B3GALT1: variants seen among roughly 807,000 people sequenced by gnomAD.
B3GALT1 encodes the protein beta-1,3-galactosyltransferase 1, also known as UDP-Gal:betaGlcNAc beta 1,3-galactosyltransferase, polypeptide 1.
B3GALT1 carries 10 observed loss-of-function variants against 23.2 expected under a neutral mutation model. That is an observed-to-expected ratio of 0.43 (90% CI 0.27 to 0.73). B3GALT1 has a LOEUF of 0.73. Among genes scored for constraint, B3GALT1 ranks in the 30% least tolerant of loss-of-function variants. B3GALT1 has a pLI of 0.21. For missense variants in B3GALT1, 299 were observed against 405.4 expected (o/e 0.74, Z 2.25); for synonymous variants, 156 against 141.5 (o/e 1.10, Z -0.73).
At chr2:167,308,624 G>A (rs1380675362) in intron 1 of B3GALT1, among the ~76,000 whole-genome samples, 1 of 151,926 alleles carries the variant, frequency 6.6e-6, no homozygotes, top group Non-Finnish European at 1.5e-5. Context: ...TTTTTTTGAA[G>A]GGTATAGGTG....
chr2:167,538,479 A>G (rs73026019), intron 2 of B3GALT1, among the ~76,000 whole-genome samples: 23,814 of 152,102 alleles, frequency 0.16, 3,114 homozygotes, highest in African/African-American at 0.35. Context: ...TGGTGAGGAC[A>G]CATTAAGGGT....
At chr2:167,597,117 GTT>G (rs1309406987) in intron 2 of B3GALT1, among the ~76,000 whole-genome samples, 11,228 of 131,358 alleles carry the variant, frequency 0.085, 950 homozygotes, top group African/African-American at 0.22. Context: ...TTTTGTTTTT[GTT>G]TTTTTTTTTT....
At chr2:167,668,762 C>G (rs902085092) in intron 3 of B3GALT1, among the ~76,000 whole-genome samples, 8 of 152,228 alleles carry the variant, frequency 5.3e-5, no homozygotes, top group African/African-American at 1.9e-4. Flanking sequence ...AACTCCCTGA[C>G]CCCTTGCGCT....
At chr2:167,788,140 G>C (rs1016037113) in intron 3 of B3GALT1, among the ~76,000 whole-genome samples, 3 of 151,946 alleles carry the variant, frequency 2.0e-5, no homozygotes, top group Non-Finnish European at 2.9e-5. Flanking sequence ...CCCCTGACCA[G>C]GTCTGAGCTG....
intron 3 of B3GALT1, among the ~76,000 whole-genome samples, chr2:167,759,121 T>C (rs1246912250): frequency 6.6e-6 from 1 of 151,926 alleles, no homozygotes; most frequent in Non-Finnish European, 1.5e-5. Context: ...GTGCAAGACG[T>C]AGAGGAGAGA....
chr2:167,466,854 A>ACGACACT (rs1699352488), intron 1 of B3GALT1, among the ~76,000 whole-genome samples: 1 of 143,234 alleles, frequency 7.0e-6, no homozygotes, highest in African/African-American at 2.5e-5. Context: ...CTGGGACTAC[A>ACGACACT]GGCGCCCGCC....
At chr2:167,538,936 C>T (rs1242855985) in intron 2 of B3GALT1, among the ~76,000 whole-genome samples, 1 of 152,088 alleles carries the variant, frequency 6.6e-6, no homozygotes, top group Non-Finnish European at 1.5e-5. Context: ...CCTAATTGTA[C>T]CTCACATTCT....
intron 1 of B3GALT1, among the ~76,000 whole-genome samples, chr2:167,356,341 G>A (rs1473832641): frequency 6.6e-6 from 1 of 152,188 alleles, no homozygotes; most frequent in Non-Finnish European, 1.5e-5. Flanking sequence ...AATGATGGAT[G>A]GATGAAGATG....
intron 3 of B3GALT1, among the ~76,000 whole-genome samples, chr2:167,654,472 C>T (rs1299989381): frequency 6.6e-6 from 1 of 152,008 alleles, no homozygotes; most frequent in Non-Finnish European, 1.5e-5. Context: ...TCTCCTTTGC[C>T]AAACTCAACT....
intron 2 of B3GALT1, among the ~76,000 whole-genome samples, chr2:167,498,135 C>T (rs1002218513): frequency 6.6e-6 from 1 of 152,178 alleles, no homozygotes; most frequent in Admixed American, 6.5e-5. Context: ...GGTCTACACA[C>T]GCTTTGGCAA....
intron 2 of B3GALT1, among the ~76,000 whole-genome samples, chr2:167,508,546 C>T (rs906155917): frequency 6.6e-6 from 1 of 152,140 alleles, no homozygotes; most frequent in African/African-American, 2.4e-5. Context: ...GCGTGAGCCA[C>T]TGCACCTGAC....
At chr2:167,803,637 C>T (rs957918522) in intron 3 of B3GALT1, among the ~76,000 whole-genome samples, 1 of 152,142 alleles carries the variant, frequency 6.6e-6, no homozygotes, top group Non-Finnish European at 1.5e-5. Flanking sequence ...TAGCAGCTCA[C>T]CCATCCCTTT....
intron 2 of B3GALT1, among the ~76,000 whole-genome samples, chr2:167,573,924 T>C (rs1222319728): frequency 6.6e-6 from 1 of 151,678 alleles, no homozygotes; most frequent in Non-Finnish European, 1.5e-5. Context: ...TTCTTTTTTA[T>C]TGTGCACAAA....
chr2:167,522,327 G>T (rs1700202796), intron 2 of B3GALT1, among the ~76,000 whole-genome samples: 2 of 152,012 alleles, frequency 1.3e-5, no homozygotes, highest in Admixed American at 1.3e-4. Context: ...GTGTGCCTGG[G>T]TTTGCCTCTT....
At chr2:167,628,830 A>G (rs763163287) in intron 2 of B3GALT1, among the ~76,000 whole-genome samples, 34 of 151,756 alleles carry the variant, frequency 2.2e-4, no homozygotes, top group Non-Finnish European at 4.3e-4. Flanking sequence ...TGCTAAAAAT[A>G]TATATATTCA....
intron 1 of B3GALT1, among the ~76,000 whole-genome samples, chr2:167,434,162 G>A (rs1235588777): frequency 6.6e-6 from 1 of 152,108 alleles, no homozygotes; most frequent in Non-Finnish European, 1.5e-5. Context: ...TCAAGATATT[G>A]AAATTTAAGC....
chr2:167,713,953 T>G, intron 3 of B3GALT1: 2 of 1,562,350 alleles, frequency 1.3e-6, no homozygotes, highest in Non-Finnish European at 1.8e-6. Context: ...TTGTATCCAC[T>G]GGAAACAATG....
At chr2:167,853,278 C>T (rs952961051) in intron 4 of B3GALT1, among the ~76,000 whole-genome samples, 1 of 152,138 alleles carries the variant, frequency 6.6e-6, no homozygotes, top group Non-Finnish European at 1.5e-5. Context: ...AATTTAACAC[C>T]TTTGTGTCTC....
intron 3 of B3GALT1, among the ~76,000 whole-genome samples, chr2:167,767,045 C>T (rs761149749): frequency 5.8e-4 from 88 of 152,272 alleles, no homozygotes; most frequent in Admixed American, 1.1e-3. Flanking sequence ...CAAAGCAGTG[C>T]TTCAGGATCT....
Sources: gnomAD v4.1 joint callset for allele counts (sites outside exome capture counted in the v4.1 genomes callset) on GRCh38, gnomAD v4.1.1 for gene constraint, MANE v1.5 for transcripts, NCBI Gene and HGNC (gene_info 2026-07-23, HGNC 2026-07-21) for gene names.